ZFHX3: variants seen among roughly 807,000 people sequenced by gnomAD.
ZFHX3 encodes the protein zinc finger homeobox 3.
A neutral mutation model predicts 279.1 loss-of-function variants in ZFHX3; 42 were observed. The ratio of observed to expected loss-of-function variants is 0.15; its 90% CI spans 0.12 to 0.19. ZFHX3 has a LOEUF of 0.19. ZFHX3 is among the 10% of genes least tolerant of loss of function. ZFHX3 has a pLI of 1.00. For synonymous variants in ZFHX3, 2,293 were observed against 1,957.8 expected, an observed-to-expected ratio of 1.17 and a Z score of -4.52; for missense variants, 4,981 against 4,754.0, an observed-to-expected ratio of 1.05 and a Z score of -1.40.
intron 3 of ZFHX3, among the ~76,000 whole-genome samples, chr16:73,335,823 T>G (rs953387393): frequency 1.3e-5 from 2 of 152,192 alleles, no homozygotes; most frequent in African/African-American, 4.8e-5. Flanking sequence ...AAAACTGCAT[T>G]TCATTCTTGC....
chr16:73,664,625 A>G (rs188533686), intron 2 of ZFHX3, among the ~76,000 whole-genome samples: 1 of 152,310 alleles, frequency 6.6e-6, no homozygotes, highest in Admixed American at 6.5e-5. Context: ...ATCCATATTC[A>G]TTCATCTACC....
At chr16:73,517,887 C>A (rs2019549970) in intron 2 of ZFHX3, among the ~76,000 whole-genome samples, 1 of 152,062 alleles carries the variant, frequency 6.6e-6, no homozygotes, top group Non-Finnish European at 1.5e-5. Context: ...TTTAAGTTTT[C>A]TAGTAGCCAC....
chr16:73,465,501 T>C (rs1398281333), intron 2 of ZFHX3, among the ~76,000 whole-genome samples: 1 of 151,824 alleles, frequency 6.6e-6, no homozygotes, highest in African/African-American at 2.4e-5. Context: ...GACTGGAACG[T>C]CCTCCTTACC....
chr16:73,097,231 A>ATTTTTTTT (rs376018253), intron 7 of ZFHX3, among the ~76,000 whole-genome samples: 20 of 126,698 alleles, frequency 1.6e-4, no homozygotes, highest in African/African-American at 5.7e-4. Context: ...GCTAATTTTA[A>ATTTTTTTT]TTTTTTTTTT....
rs191672231 is a variant in ZFHX3, at chr16:73,342,247, G to A, written c.-1290-23911C>T. Among the ~76,000 whole-genome samples the A allele has an allele frequency of 4.1e-4, 62 of 152,272 alleles. 1 individual carries two copies. Among genetic ancestry groups the A allele is most frequent in the African/African-American group, 1.4e-3 (60 of 41,550 alleles). On this transcript the variant is annotated intron_variant, in intron 3 of 17. Coordinates refer to the ZFHX3 transcript ENST00000641206. ...AATCGGTACAATAGTTAAGGATGGG[G>A]TCTTTGCAAAAGCTAACAAAACTAC... is the stretch of plus-strand genomic sequence containing the variant.
chr16:73,219,592 C>A (rs968044381), intron 5 of ZFHX3, among the ~76,000 whole-genome samples: 2 of 152,206 alleles, frequency 1.3e-5, no homozygotes, highest in Non-Finnish European at 2.9e-5. Context: ...AGGGGTACTG[C>A]AATTTCCTAT....
chr16:72,954,887 T>C (rs1381958780), intron 2 of ZFHX3, among the ~76,000 whole-genome samples: 2 of 152,162 alleles, frequency 1.3e-5, no homozygotes, highest in African/African-American at 2.4e-5. Flanking sequence ...ACAATCACCT[T>C]GTAAAGAGGA....
Position 72,787,058 on chromosome 16 carries a change from T to G in ZFHX3, c.*106A>C. The G allele has an allele frequency of 1.7e-6, 2 of 1,165,330 alleles. No homozygotes were observed. Among genetic ancestry groups the G allele is most frequent in the Non-Finnish European group, 2.2e-6 (2 of 910,528 alleles). 72.2% of individuals were successfully genotyped at this position (1,165,330 alleles called of 1,614,324 possible). ...TTTTTTCTTTTTTTTTTTTTTTTTG[T>G]TTTTTGGTTAGAAGCTTTGGAATTG... On this transcript the variant is annotated 3_prime_UTR_variant, in exon 10 of 10. Transcript: ENST00000268489.
At chr16:73,238,936 C>A (rs2013036008) in intron 5 of ZFHX3, among the ~76,000 whole-genome samples, 1 of 152,118 alleles carries the variant, frequency 6.6e-6, no homozygotes, top group Admixed American at 6.5e-5. Flanking sequence ...ACCGAAACCT[C>A]CCATGCTGGG....
At chr16:73,010,279 G>A (rs9940695) in intron 1 of ZFHX3, among the ~76,000 whole-genome samples, 22,458 of 152,052 alleles carry the variant, frequency 0.15, 1,861 homozygotes, top group Admixed American at 0.25. Context: ...TGCATCGCCC[G>A]TGTGCCAAAT....
At chr16:73,853,633 A>C (rs1961645779) in intron 1 of ZFHX3, among the ~76,000 whole-genome samples, 1 of 152,230 alleles carries the variant, frequency 6.6e-6, no homozygotes, top group South Asian at 2.1e-4. Flanking sequence ...AACAATAGGT[A>C]CAATGAACAT....
chr16:73,815,572 T>C (rs80244968), intron 1 of ZFHX3: 1 of 152,066 alleles, frequency 6.6e-6, no homozygotes, highest in Non-Finnish European at 1.5e-5. Context: ...TTTTTTTTTT[T>C]TCTTTTTGGA....
chr16:73,637,624 A>AT (rs1326568885), intron 2 of ZFHX3, among the ~76,000 whole-genome samples: 2 of 152,268 alleles, frequency 1.3e-5, no homozygotes, highest in Admixed American at 1.3e-4. Flanking sequence ...CTATTATGTT[A>AT]TTTTTTAAAT....
chr16:73,119,602 T>A (rs747772928), intron 7 of ZFHX3, among the ~76,000 whole-genome samples: 2 of 152,240 alleles, frequency 1.3e-5, no homozygotes, highest in Non-Finnish European at 2.9e-5. Context: ...CCATGTTCCA[T>A]GTGAGCCAAC....
intron 5 of ZFHX3, among the ~76,000 whole-genome samples, chr16:73,236,549 G>A (rs941306177): frequency 6.6e-6 from 1 of 152,038 alleles, no homozygotes; most frequent in Non-Finnish European, 1.5e-5. Context: ...AGTGAGCTGA[G>A]ATCATGCCAC....
chr16:73,432,259 G>GCT lies in ZFHX3; in HGVS notation c.-1291+23742_-1291+23743dup, dbSNP rs200297254. Among the ~76,000 whole-genome samples the GCT allele has an allele frequency of 8.1e-3, 1,238 of 152,132 alleles. 56 individuals carry two copies. The highest frequency in any genetic ancestry group is 0.07 in the Admixed American group (1,070 of 15,274). ...TCATCCTGTACCTACTGATTACAGTGCTCTCTCTCTCATACATCCAAGACT... is the reference window on the plus strand; with the variant it reads ...TCATCCTGTACCTACTGATTACAGTGCTCTCTCTCTCTCATACATCCAAGACT... On this transcript the variant is annotated intron_variant, in intron 3 of 17. Transcript: ENST00000641206.
intron 1 of ZFHX3, among the ~76,000 whole-genome samples, chr16:73,814,618 A>G (rs1451929819): frequency 6.7e-6 from 1 of 149,328 alleles, no homozygotes; most frequent in Non-Finnish European, 1.5e-5. Context: ...CCCAGGCTGG[A>G]GTGCAGTGGC....
At chr16:73,890,552 T>A (rs1166880383) in intron 1 of ZFHX3, among the ~76,000 whole-genome samples, 1 of 152,234 alleles carries the variant, frequency 6.6e-6, no homozygotes, top group Non-Finnish European at 1.5e-5. Flanking sequence ...GGTTTTTTAA[T>A]TTTTTGTCAT....
chr16:73,831,990 G>A (rs1011216229), intron 1 of ZFHX3, among the ~76,000 whole-genome samples: 8 of 152,032 alleles, frequency 5.3e-5, no homozygotes, highest in Admixed American at 2.0e-4. Flanking sequence ...AACCTCTGCC[G>A]CCCGGGTTCC....
Sources: gnomAD v4.1 joint callset for allele counts (sites outside exome capture counted in the v4.1 genomes callset) on GRCh38, gnomAD v4.1.1 for gene constraint, MANE v1.5 for transcripts, NCBI Gene and HGNC (gene_info 2026-07-23, HGNC 2026-07-21) for gene names.